MMD2: variants seen among roughly 807,000 people sequenced by gnomAD.
MMD2 encodes the protein monocyte to macrophage differentiation associated 2.
In MMD2, 30 loss-of-function variants were observed where a neutral mutation model predicts 33.5. That is an observed-to-expected ratio of 0.90 (90% confidence interval 0.67 to 1.22). MMD2 has a LOEUF of 1.22. MMD2 is among the 50% of genes most tolerant of loss of function. MMD2 has a pLI of 0.00. For synonymous variants in MMD2, 129 were observed against 123.0 expected (o/e 1.05, Z -0.32); for missense variants, 364 against 325.4 (o/e 1.12, Z -0.91).
chr7:4,940,973 C>T lies in MMD2; in HGVS notation c.48-15441G>A, dbSNP rs1353341615. Among the ~76,000 whole-genome samples the T allele has an allele frequency of 6.6e-6, 1 of 152,164 alleles. No individual in the cohort carries two copies. The highest frequency in any genetic ancestry group is 1.5e-5 in the Non-Finnish European group (1 of 68,038). On this transcript the variant is annotated intron_variant, in intron 1 of 6. Coordinates refer to ENST00000401401, the MANE Select transcript of MMD2 (RefSeq NM_198403.4). The surrounding 1 kb of genome is among the most constrained non-coding windows in gnomAD (Gnocchi z 5.0). ...CCTATGGGATGAGAAGGGTCCGTAT[C>T]TCCAAAGCTAGGACCATCTCCCAGC...
intron 1 of MMD2, among the ~76,000 whole-genome samples, chr7:4,945,020 C>T (rs1186804617): frequency 6.7e-6 from 1 of 150,228 alleles, no homozygotes; most frequent in Non-Finnish European, 1.5e-5. Flanking sequence ...TTACCTCTCC[C>T]TCTCCCTCTC....
At chr7:4,897,604 A>G in the MMD2 span, among the ~76,000 whole-genome samples, 2 of 152,250 alleles carry the variant, frequency 1.3e-5, no homozygotes, top group East Asian at 3.9e-4. Flanking sequence ...GGAACCTGGC[A>G]GTGTAAACAG....
At chr7:4,952,741 G>C (rs1398086740) in intron 1 of MMD2, among the ~76,000 whole-genome samples, 1 of 148,180 alleles carries the variant, frequency 6.7e-6, no homozygotes, top group Non-Finnish European at 1.5e-5. Context: ...GCCCAGGCTG[G>C]AGTGCAGTGG....
Position 4,925,445 on chromosome 7 carries a change from A to G in MMD2, c.129+6T>C, listed in dbSNP as rs750363283. 2.4e-5 allele frequency: 36 copies of G among 1,526,788 alleles called. No individual in the cohort carries two copies. Among genetic ancestry groups the G allele is most frequent in the Non-Finnish European group, 3.1e-5 (35 of 1,134,192 alleles). The allele number at this position is 1,526,788 out of a possible 1,614,324, so 94.6% of individuals were successfully genotyped here. ...TCAGCCCTGAGCCCCCCAAAAGCCA[A>G]CTCACAGCATGGGTGGCACAGTTGG... On this transcript the variant is annotated splice_donor_region_variant and intron_variant, in intron 2 of 6. Transcript: ENST00000401401.
chr7:4,903,997 A>G (rs1408903001), downstream of MMD2, among the ~76,000 whole-genome samples: 2 of 152,050 alleles, frequency 1.3e-5, no homozygotes, highest in Admixed American at 6.6e-5. Flanking sequence ...CAGTGGTGCA[A>G]TCTTGGCTCA....
chr7:4,898,239 C>G, the MMD2 span, among the ~76,000 whole-genome samples: 1 of 152,282 alleles, frequency 6.6e-6, no homozygotes, highest in African/African-American at 2.4e-5. Flanking sequence ...TTCTTGGAAG[C>G]TCCTAATTTC....
intron 1 of MMD2, among the ~76,000 whole-genome samples, chr7:4,953,782 T>G (rs564275124): frequency 6.6e-6 from 1 of 152,320 alleles, no homozygotes; most frequent in East Asian, 1.9e-4. Flanking sequence ...CAGTCTCATT[T>G]TCATAAAATA....
intron 2 of MMD2, 88 bp from the exon 3 acceptor site, chr7:4,920,419 C>A: frequency 7.4e-7 from 1 of 1,358,452 alleles, no homozygotes; most frequent in Non-Finnish European, 1.0e-6. Context: ...AGCTGCCCAA[C>A]GTGGCAGCAC....
chr7:4,895,539 T>C, the MMD2 span, among the ~76,000 whole-genome samples: 49 of 151,152 alleles, frequency 3.2e-4, 2 homozygotes, highest in South Asian at 9.8e-3. Flanking sequence ...ATTCTTTTTT[T>C]TTCTTTTCTT....
intron 1 of MMD2, among the ~76,000 whole-genome samples, chr7:4,948,214 T>C (rs1050071610): frequency 2.0e-5 from 3 of 152,128 alleles, no homozygotes; most frequent in African/African-American, 7.2e-5. Flanking sequence ...ATGAACTGCA[T>C]GTTGGCATCA....
chr7:4,903,139 G>T (rs551667463), downstream of MMD2, among the ~76,000 whole-genome samples: 14 of 152,192 alleles, frequency 9.2e-5, no homozygotes, highest in Non-Finnish European at 1.6e-4. Flanking sequence ...TCGAGAGGCT[G>T]AGGCAGGAGA....
chr7:4,948,897 C>T (rs987169083), intron 1 of MMD2, among the ~76,000 whole-genome samples: 3 of 152,140 alleles, frequency 2.0e-5, no homozygotes, highest in Non-Finnish European at 4.4e-5. Flanking sequence ...ACACAGCCTC[C>T]ATCTCCCAAG....
chr7:4,958,453 C>T (rs1786448649), intron 1 of MMD2, among the ~76,000 whole-genome samples: 1 of 152,128 alleles, frequency 6.6e-6, no homozygotes, highest in African/African-American at 2.4e-5. Flanking sequence ...GTACAGGTGC[C>T]TCCCCCCACC....
downstream of MMD2, among the ~76,000 whole-genome samples, chr7:4,904,774 G>T (rs1054883652): frequency 6.6e-6 from 1 of 152,160 alleles, no homozygotes; most frequent in Non-Finnish European, 1.5e-5. Flanking sequence ...CAATGCCGGG[G>T]TTATGCTGAA....
intron 1 of MMD2, among the ~76,000 whole-genome samples, chr7:4,930,336 G>C (rs1236760324): frequency 7.0e-6 from 1 of 143,628 alleles, no homozygotes; most frequent in Non-Finnish European, 1.5e-5. Flanking sequence ...ATATGAGTAG[G>C]GTTCCCTAAA....
chr7:4,926,908 C>T (rs1214918503), intron 1 of MMD2, among the ~76,000 whole-genome samples: 1 of 152,006 alleles, frequency 6.6e-6, no homozygotes, highest in African/African-American at 2.4e-5. Flanking sequence ...TCATGCCCAG[C>T]TGATTTTTTA....
chr7:4,957,174 AT>A (rs371926181), intron 1 of MMD2, among the ~76,000 whole-genome samples: 16,115 of 115,688 alleles, frequency 0.14, 1,043 homozygotes, highest in African/African-American at 0.21. Context: ...AAAAAAAAAA[AT>A]ATATATATAT....
intron 2 of MMD2, among the ~76,000 whole-genome samples, chr7:4,924,267 G>A (rs554681955): frequency 9.8e-5 from 15 of 152,304 alleles, no homozygotes; most frequent in African/African-American, 2.2e-4. Flanking sequence ...CACTAAGTTC[G>A]AATCAGCACC....
intron 1 of MMD2, among the ~76,000 whole-genome samples, 175 bp from the exon 2 acceptor site, chr7:4,925,707 G>A (rs117297306): frequency 0.021 from 3,147 of 152,010 alleles, 110 homozygotes; most frequent in Admixed American, 0.094. Flanking sequence ...CACTCTTTCC[G>A]ATCATTAAAT....
Sources: allele counts gnomAD v4.1 joint callset (sites outside exome capture counted in the v4.1 genomes callset), GRCh38; gene constraint gnomAD v4.1.1; non-coding constraint Gnocchi (gnomAD v3.1); transcripts MANE v1.5; gene names NCBI Gene and HGNC (gene_info 2026-07-23, HGNC 2026-07-21).